The following HIF1A variants were observed in gnomAD, a reference collection of about 807,000 sequenced individuals.
The protein encoded by HIF1A is hypoxia-inducible factor 1-alpha.
In HIF1A, 24 loss-of-function variants were observed where a neutral mutation model predicts 92.7. That is an observed-to-expected ratio of 0.26 (90% CI 0.19 to 0.36). HIF1A has a LOEUF of 0.36. Among genes scored for constraint, HIF1A ranks in the 10% least tolerant of loss-of-function variants. The probability of loss-of-function intolerance (pLI) is 1.00; values close to 1 mark genes in which losing one functional copy is unlikely to be tolerated. For synonymous variants in HIF1A, 319 were observed against 338.7 expected (o/e 0.94, Z 0.64); for missense variants, 799 against 998.5 (o/e 0.80, Z 2.69).
intron 1 of HIF1A, chr14:61,697,806 T>C: frequency 6.7e-7 from 1 of 1,482,918 alleles, no homozygotes; most frequent in Non-Finnish European, 8.9e-7. Flanking sequence ...ACTGAGAGGT[T>C]GAGGGACGGA....
At chr14:61,713,951 A>AC (rs1293908380) in intron 1 of HIF1A, among the ~76,000 whole-genome samples, 4 of 151,834 alleles carry the variant, frequency 2.6e-5, no homozygotes, top group Admixed American at 2.6e-4. Context: ...GGTGGAGAGA[A>AC]CCCCTCCTCT....
At chr14:61,708,657 G>A (rs1000801663) in intron 1 of HIF1A, among the ~76,000 whole-genome samples, 1 of 152,040 alleles carries the variant, frequency 6.6e-6, no homozygotes, top group Non-Finnish European at 1.5e-5. Context: ...TGTTCCATTG[G>A]TCTATATCTC....
Position 61,727,494 on chromosome 14 carries a change from C to T in HIF1A, c.612C>T (p.Asn204=). 2 of 1,613,802 alleles carry T rather than the reference C, an allele frequency of 1.2e-6. No individual in the cohort carries two copies. Among genetic ancestry groups the T allele is most frequent in the Non-Finnish European group, 1.7e-6 (2 of 1,179,882 alleles). The change falls in exon 6 of 15, where the codon AAC becomes AAT. Residue 204 remains asparagine, a synonymous_variant. Coordinates refer to ENST00000337138, the MANE Select transcript of HIF1A (RefSeq NM_001530.4). The part of the protein sequence containing the change: ...CTGHIHVYDT[N]SNQPQCGYKK... ...GCCACATTCACGTATATGATACCAA[C>T]AGTAACCAACCTCAGTGTGGGTATA...
intron 1 of HIF1A, among the ~76,000 whole-genome samples, chr14:61,709,953 T>C (rs1199315451): frequency 6.6e-6 from 1 of 152,224 alleles, no homozygotes; most frequent in African/African-American, 2.4e-5. Flanking sequence ...TTACAAAAAA[T>C]TTGTGATCCT....
In HIF1A at chr14:61,695,691, C is replaced by G; in HGVS notation, c.-114C>G. ...ACGAGGGGTTTCCCGCCTCGCACCC[C>G]CACCTCTGGACTTGCCTTTCCTTCT... On this transcript the variant is annotated 5_prime_UTR_variant, in exon 1 of 15. Transcript: ENST00000337138. 2 of 1,152,226 alleles carry G rather than the reference C, an allele frequency of 1.7e-6. No individual in the cohort carries two copies. The highest frequency in any genetic ancestry group is 2.5e-6 in the Non-Finnish European group (2 of 813,906). The allele number at this position is 1,152,226 out of a possible 1,614,324, so 71.4% of individuals were successfully genotyped here. A position where few individuals can be genotyped will look rare whatever the true frequency, so the allele number is the denominator to read the frequency against.
At chr14:61,702,981 T>G (rs2044194440) in intron 1 of HIF1A, among the ~76,000 whole-genome samples, 1 of 152,198 alleles carries the variant, frequency 6.6e-6, no homozygotes, top group African/African-American at 2.4e-5. Flanking sequence ...ATGGTTAAAT[T>G]AGATAATATT....
intron 10 of HIF1A, among the ~76,000 whole-genome samples, chr14:61,738,769 GAA>G (rs1433397991): frequency 2.0e-5 from 3 of 152,086 alleles, no homozygotes; most frequent in Admixed American, 6.6e-5. Flanking sequence ...TTTGTTTTGA[GAA>G]AGAGTCTCAC....
chr14:61,721,359 C>T (rs1166204552), intron 2 of HIF1A, 150 bp from the exon 3 acceptor site: 42 of 546,246 alleles, frequency 7.7e-5, no homozygotes, highest in Middle Eastern at 1.0e-3. Flanking sequence ...TATAGTTTTT[C>T]TAGCTTCTGG....
intron 1 of HIF1A, chr14:61,715,876 T>C (rs900030597): frequency 6.6e-6 from 1 of 152,190 alleles, no homozygotes; most frequent in East Asian, 1.9e-4. Flanking sequence ...CGTGTGCCTG[T>C]AGCTACTTGG....
At chr14:61,718,732 CTAGT>C (rs559463694) in intron 1 of HIF1A, among the ~76,000 whole-genome samples, 123 of 152,228 alleles carry the variant, frequency 8.1e-4, no homozygotes, top group Non-Finnish European at 1.4e-3. Flanking sequence ...GTTCATATAA[CTAGT>C]TATAGTTCAT....
chr14:61,727,751 G>A, intron 6 of HIF1A, 96 bp downstream of exon 6: 1 of 908,196 alleles, frequency 1.1e-6, no homozygotes, highest in Non-Finnish European at 1.8e-6. Flanking sequence ...GGCCATGCAT[G>A]GTGGCTCACA....
intron 6 of HIF1A, among the ~76,000 whole-genome samples, chr14:61,731,914 AT>A (rs1197067969): frequency 3.3e-5 from 5 of 152,224 alleles, no homozygotes; most frequent in Non-Finnish European, 7.3e-5. Flanking sequence ...AGGCGGGTGA[AT>A]TACCTGAGTT....
Position 61,724,752 on chromosome 14 carries a change from G to T in HIF1A, c.458-1954G>T, listed in dbSNP as rs191551606. ...CTATTAAGATTCTACCTCTTCATTTGTCTTTTGCCACCATTCTTTTCCCTC... is the reference window on the plus strand; with the variant it reads ...CTATTAAGATTCTACCTCTTCATTTTTCTTTTGCCACCATTCTTTTCCCTC... On this transcript the variant is annotated intron_variant, in intron 4 of 14. Coordinates refer to ENST00000337138, the MANE Select transcript of HIF1A (RefSeq NM_001530.4). Among the ~76,000 whole-genome samples the T allele has an allele frequency of 4.7e-3, 714 of 151,984 alleles. 9 individuals carry two copies. The highest frequency in any genetic ancestry group is 7.9e-3 in the Non-Finnish European group (538 of 67,954).
intron 8 of HIF1A, among the ~76,000 whole-genome samples, chr14:61,736,268 C>A (rs925491108): frequency 6.6e-6 from 1 of 152,286 alleles, no homozygotes; most frequent in South Asian, 2.1e-4. Context: ...TGAGCCACCA[C>A]GCCCAGCCTG....
intron 1 of HIF1A, among the ~76,000 whole-genome samples, chr14:61,699,459 ATT>A (rs5809116): frequency 0.015 from 2,188 of 144,848 alleles, 47 homozygotes; most frequent in African/African-American, 0.048. Context: ...CTCTTGACTG[ATT>A]TTTTTTTTTT....
In HIF1A at chr14:61,736,974, A is replaced by C; in HGVS notation, c.1114A>C (p.Thr372Pro). The C allele has an allele frequency of 6.2e-7, 1 of 1,613,976 alleles. No individual in the cohort carries two copies. Among genetic ancestry groups the C allele is most frequent in the South Asian group, 1.1e-5 (1 of 91,080 alleles). ...KPVESSDMKMTQLFTKVESED... is the reference protein window; with the variant it reads ...KPVESSDMKMPQLFTKVESED... ...GGTTGAATCTTCAGATATGAAAATG[A>C]CTCAGCTATTCACCAAAGTTGAATC... The change falls in exon 9 of 15, where the codon ACT becomes CCT. Residue 372 changes from threonine (T) to proline (P), a missense_variant. Thr to Pro is a conservative substitution (Grantham distance 38, BLOSUM62 -1). Around this residue, in one of 2 missense-constraint regions of HIF1A, gnomAD observed 516 missense variants for 721.0 expected, o/e 0.72. Coordinates refer to ENST00000337138, the MANE Select transcript of HIF1A (RefSeq NM_001530.4).
At chr14:61,722,086 CTTTTTT>C (rs5809118) in intron 4 of HIF1A, among the ~76,000 whole-genome samples, 1 of 143,500 alleles carries the variant, frequency 7.0e-6, no homozygotes, top group African/African-American at 2.6e-5. Flanking sequence ...TTACAAATAA[CTTTTTT>C]TTTTTTTTTT....
chr14:61,714,682 C>T (rs1367083161), intron 1 of HIF1A, among the ~76,000 whole-genome samples: 2 of 152,072 alleles, frequency 1.3e-5, no homozygotes, highest in African/African-American at 4.8e-5. Flanking sequence ...AAAACTTAAG[C>T]CTTTCTTCAT....
intron 1 of HIF1A, among the ~76,000 whole-genome samples, chr14:61,706,697 C>T (rs73327412): frequency 0.027 from 4,041 of 152,244 alleles, 73 homozygotes; most frequent in African/African-American, 0.03. Context: ...TTCCCAGGGA[C>T]CCATTCGCCA....
Sources: allele counts gnomAD v4.1 joint callset (sites outside exome capture counted in the v4.1 genomes callset), GRCh38; gene constraint gnomAD v4.1.1; regional missense constraint gnomAD v4.1.1; transcripts MANE v1.5; gene names NCBI Gene and HGNC (gene_info 2026-07-23, HGNC 2026-07-21).